The following ACYP2 variants were observed in gnomAD, a reference collection of about 807,000 sequenced individuals.
The protein encoded by ACYP2 is acylphosphatase 2.
A neutral mutation model predicts 11.2 loss-of-function variants in ACYP2; 12 were observed. The ratio of observed to expected loss-of-function variants is 1.08; its 90% CI spans 0.69 to 1.74. The LOEUF is 1.74. Among genes scored for constraint, ACYP2 ranks in the 40% most tolerant of loss-of-function variants. The pLI is 0.00. For synonymous variants in ACYP2, 43 were observed against 32.2 expected (o/e 1.33, Z -1.13); for missense variants, 134 against 101.9 (o/e 1.31, Z -1.35).
At chr2:54,077,864 T>C (rs1677429823) in intron 4 of ACYP2, among the ~76,000 whole-genome samples, 1 of 152,230 alleles carries the variant, frequency 6.6e-6, no homozygotes, top group Non-Finnish European at 1.5e-5. Flanking sequence ...CTTCACCTTC[T>C]TTAGCAAATA....
At chr2:54,143,994 A>G (rs554723783) in intron 6 of ACYP2, among the ~76,000 whole-genome samples, 1 of 151,760 alleles carries the variant, frequency 6.6e-6, no homozygotes, top group African/African-American at 2.4e-5. Flanking sequence ...TTTTGAGAAA[A>G]CGTTTTGCTC....
chr2:53,994,362 ACAAAATATTAG>A (rs1452372059), intron 2 of ACYP2, among the ~76,000 whole-genome samples: 20 of 150,116 alleles, frequency 1.3e-4, no homozygotes, highest in Non-Finnish European at 2.7e-4. Flanking sequence ...ACGAAAAAAA[ACAAAATATTAG>A]CCAGGCATGG....
intron 2 of ACYP2, among the ~76,000 whole-genome samples, chr2:54,015,688 C>CACACACACACACACAA (rs1558473166): frequency 8.2e-6 from 1 of 122,488 alleles, no homozygotes; most frequent in African/African-American, 3.8e-5. Flanking sequence ...CACACACACA[C>CACACACACACACACAA]GGCAGAATCT....
At chr2:54,041,511 C>G (rs1024215732) in intron 2 of ACYP2, among the ~76,000 whole-genome samples, 6 of 152,154 alleles carry the variant, frequency 3.9e-5, no homozygotes, top group African/African-American at 1.4e-4. Flanking sequence ...TGGTTGTTAG[C>G]AGCATTAAGG....
At chr2:54,021,822 C>A (rs993524569) in intron 2 of ACYP2, among the ~76,000 whole-genome samples, 40 of 152,274 alleles carry the variant, frequency 2.6e-4, no homozygotes, top group African/African-American at 9.1e-4. Context: ...CTGGGTTGTA[C>A]TGGTGTTAAA....
At chr2:54,108,075 C>G (rs1679261780) in intron 4 of ACYP2, among the ~76,000 whole-genome samples, 1 of 152,132 alleles carries the variant, frequency 6.6e-6, no homozygotes, top group Admixed American at 6.5e-5. Flanking sequence ...TCTTGGTGCC[C>G]CACAAGCCAG....
chr2:54,272,317 T>C (rs915359549), intron 6 of ACYP2, among the ~76,000 whole-genome samples: 1 of 152,128 alleles, frequency 6.6e-6, no homozygotes. Context: ...GACTGGCAGG[T>C]TTATCTCTAC....
chr2:53,992,067 T>C (rs937576612), intron 2 of ACYP2, among the ~76,000 whole-genome samples: 1 of 150,632 alleles, frequency 6.6e-6, no homozygotes, highest in Admixed American at 6.6e-5. Flanking sequence ...CTTTCCTTCC[T>C]TTTTTCCCCT....
intron 2 of ACYP2, among the ~76,000 whole-genome samples, chr2:54,003,552 G>C (rs1038091626): frequency 2.0e-5 from 3 of 152,122 alleles, no homozygotes; most frequent in African/African-American, 4.8e-5. Context: ...GAGCCACTGT[G>C]CCTGGCCCAG....
rs140520769 is a variant in ACYP2 at position 54,167,239 on chromosome 2, T to C, written c.404+28491T>C. Among the ~76,000 whole-genome samples the C allele has an allele frequency of 2.6e-3, 389 of 152,340 alleles. 2 individuals are homozygous for C. Among genetic ancestry groups the C allele is most frequent in the African/African-American group, 8.9e-3 (370 of 41,584 alleles). On this transcript the variant is annotated intron_variant, in intron 6 of 6. Coordinates refer to ENST00000607452, the MANE Select transcript of ACYP2 (RefSeq NM_001320586.2). ...TTGATTCAGTTATCTAACATGTTCA[T>C]TGTTTCTCCTAGCTCATCAACTGAG...
chr2:54,097,053 C>A (rs936994366), intron 4 of ACYP2, among the ~76,000 whole-genome samples: 2 of 152,184 alleles, frequency 1.3e-5, no homozygotes, highest in East Asian at 3.8e-4. Context: ...TTATTTTTAG[C>A]AAAGTAATCC....
chr2:54,087,743 A>G (rs1678013829), intron 4 of ACYP2, among the ~76,000 whole-genome samples: 1 of 152,224 alleles, frequency 6.6e-6, no homozygotes, highest in South Asian at 2.1e-4. Context: ...GGATGGGTGA[A>G]TAAGTGGATA....
chr2:54,088,926 A>G (rs1304603596), intron 4 of ACYP2, among the ~76,000 whole-genome samples: 3 of 152,230 alleles, frequency 2.0e-5, no homozygotes, highest in Non-Finnish European at 2.9e-5. Flanking sequence ...CTGAAGCCCT[A>G]CAGCCCACAA....
chr2:54,054,530 G>A (rs761048124), intron 3 of ACYP2, among the ~76,000 whole-genome samples: 3 of 152,068 alleles, frequency 2.0e-5, no homozygotes, highest in Non-Finnish European at 4.4e-5. Context: ...TTTGTCTCTC[G>A]ATTTTACTTA....
chr2:54,174,045 G>T (rs1163971305), intron 6 of ACYP2, among the ~76,000 whole-genome samples: 1 of 152,210 alleles, frequency 6.6e-6, no homozygotes, highest in African/African-American at 2.4e-5. Context: ...GAACTTTAAA[G>T]TAGTTTTTTC....
chr2:54,017,277 T>C (rs200977750), intron 2 of ACYP2, among the ~76,000 whole-genome samples: 25 of 57,258 alleles, frequency 4.4e-4, no homozygotes, highest in East Asian at 9.2e-4. Context: ...CTTTTCTTTT[T>C]TTTTTTTTTT....
rs188564947 is a variant in ACYP2, at chr2:53,992,857, T to C, written c.62+19047T>C. ...AAAAAAAAAAAAAAAAGTTTTCCAG[T>C]GACGGGAAGCAAAAGAAGGAGAAGT... On this transcript the variant is annotated intron_variant, in intron 2 of 6. Coordinates refer to ENST00000607452, the MANE Select transcript of ACYP2 (RefSeq NM_001320586.2). Among the ~76,000 whole-genome samples, 1,064 of 145,938 alleles carry C rather than the reference T, an allele frequency of 7.3e-3. 8 individuals carry two copies. Among genetic ancestry groups the C allele is most frequent in the Non-Finnish European group, 1.0e-2 (665 of 66,810 alleles).
At chr2:54,287,679 C>G (rs1030348319) in intron 6 of ACYP2, among the ~76,000 whole-genome samples, 2 of 151,918 alleles carry the variant, frequency 1.3e-5, no homozygotes, top group African/African-American at 4.9e-5. Flanking sequence ...TAGAGGGAGA[C>G]GACTGAGGAG....
At chr2:54,164,076 AC>A (rs1682846684) in intron 6 of ACYP2, among the ~76,000 whole-genome samples, 1 of 152,166 alleles carries the variant, frequency 6.6e-6, no homozygotes. Context: ...ATTTCGGAAG[AC>A]CAAAGGATAG....
Sources: allele counts gnomAD v4.1 joint callset (sites outside exome capture counted in the v4.1 genomes callset), GRCh38; gene constraint gnomAD v4.1.1; transcripts MANE v1.5; gene names NCBI Gene and HGNC (gene_info 2026-07-23, HGNC 2026-07-21).